Variants in TRIM9 observed in about 807,000 individuals in gnomAD.
TRIM9 encodes the protein E3 ubiquitin-protein ligase TRIM9.
TRIM9 carries 26 observed loss-of-function variants against 78.3 expected under a neutral mutation model. The ratio of observed to expected loss-of-function variants is 0.33; its 90% CI spans 0.24 to 0.46. The LOEUF (loss-of-function observed/expected upper bound fraction) is 0.46. Among genes scored for constraint, TRIM9 ranks in the 20% least tolerant of loss-of-function variants. The pLI, the probability that TRIM9 is intolerant of heterozygous loss-of-function variation, is 1.00. For missense variants in TRIM9, 787 were observed against 1,036.4 expected, an observed-to-expected ratio of 0.76 and a Z score of 3.30; for synonymous variants, 398 against 416.5, an observed-to-expected ratio of 0.96 and a Z score of 0.54.
intron 1 of TRIM9, among the ~76,000 whole-genome samples, chr14:51,077,480 C>A (rs931673808): frequency 4.1e-5 from 6 of 147,040 alleles, no homozygotes; most frequent in African/African-American, 1.5e-4. Flanking sequence ...GCAACCTCTG[C>A]CTCCTGGGTT....
Position 51,053,556 on chromosome 14 carries a change from TA to T in TRIM9, c.823-28197del, listed in dbSNP as rs767301487. On this transcript the variant is annotated intron_variant, in intron 1 of 12. Coordinates refer to ENST00000684578, the MANE Select transcript of TRIM9 (RefSeq NM_001387360.1). The stretch of plus-strand genomic sequence containing the variant: ...TGCGTTAACATTACATTTATTTATT[TA>T]TTTTTTTTTACTTTTTAATTTTCTT... 7.8e-3 allele frequency among the ~76,000 whole-genome samples: 1,130 copies of T among 145,068 alleles called. 37 individuals carry two copies. Among genetic ancestry groups the T allele is most frequent in the East Asian group, 0.076 (381 of 4,986 alleles).
At chr14:51,048,684 C>T (rs879057194) in intron 1 of TRIM9, among the ~76,000 whole-genome samples, 4 of 151,994 alleles carry the variant, frequency 2.6e-5, no homozygotes, top group African/African-American at 9.7e-5. Context: ...GGTGGTTTAA[C>T]AAAACATCCC....
At chr14:51,039,879 T>G (rs888110963) in intron 1 of TRIM9, among the ~76,000 whole-genome samples, 17 of 152,202 alleles carry the variant, frequency 1.1e-4, no homozygotes, top group Non-Finnish European at 2.2e-4. Flanking sequence ...CCTGAGTAGC[T>G]GGGACTACAG....
At chr14:50,999,405 T>A (rs2054649662) in intron 6 of TRIM9, among the ~76,000 whole-genome samples, 1 of 151,632 alleles carries the variant, frequency 6.6e-6, no homozygotes, top group Non-Finnish European at 1.5e-5. Context: ...GCAAAAGACA[T>A]GAAATGGAAC....
At chr14:51,036,466 T>C (rs972187920) in intron 1 of TRIM9, among the ~76,000 whole-genome samples, 5 of 152,134 alleles carry the variant, frequency 3.3e-5, no homozygotes, top group African/African-American at 1.2e-4. Flanking sequence ...AAAAGGGGAA[T>C]GGGGAAAGGG....
chr14:51,079,901 C>T (rs1192610193), intron 1 of TRIM9, among the ~76,000 whole-genome samples: 2 of 152,128 alleles, frequency 1.3e-5, no homozygotes, highest in African/African-American at 4.8e-5. Context: ...GGCAGAAACT[C>T]TAGATACACA....
intron 1 of TRIM9, among the ~76,000 whole-genome samples, chr14:51,045,055 T>C (rs917520394): frequency 1.5e-5 from 2 of 129,646 alleles, no homozygotes; most frequent in African/African-American, 5.0e-5. Context: ...TGTGAAAATA[T>C]GGAAAAAAAA....
At chr14:51,037,422 T>TAAAAACAAAAAC (rs568556914) in intron 1 of TRIM9, among the ~76,000 whole-genome samples, 9 of 152,004 alleles carry the variant, frequency 5.9e-5, no homozygotes, top group African/African-American at 1.9e-4. Flanking sequence ...AGACCCCTGA[T>TAAAAACAAAAAC]AAAAACAAAA....
chr14:51,017,603 T>C (rs915746182), intron 3 of TRIM9, among the ~76,000 whole-genome samples: 1 of 152,214 alleles, frequency 6.6e-6, no homozygotes, highest in Non-Finnish European at 1.5e-5. Context: ...CATTTACCAC[T>C]GAAGGTGGGT....
chr14:51,084,392 T>C (rs1293346456), intron 1 of TRIM9, among the ~76,000 whole-genome samples: 1 of 152,194 alleles, frequency 6.6e-6, no homozygotes, highest in Non-Finnish European at 1.5e-5. Flanking sequence ...GTTCCATCAA[T>C]GATAGATTCA....
intron 10 of TRIM9, chr14:50,982,633 A>G (rs2052111635): frequency 2.4e-6 from 1 of 414,050 alleles, no homozygotes; most frequent in Non-Finnish European, 4.4e-6. Context: ...TATAAGCAAC[A>G]TAAACTAATT....
chr14:51,092,105 A>G (rs11620762), intron 1 of TRIM9, among the ~76,000 whole-genome samples: 13,807 of 152,294 alleles, frequency 0.091, 868 homozygotes, highest in Non-Finnish European at 0.14. Flanking sequence ...GCAATTCAAC[A>G]TGGACTATAA....
At chr14:51,085,488 C>T (rs79885236) in intron 1 of TRIM9, among the ~76,000 whole-genome samples, 1,801 of 152,310 alleles carry the variant, frequency 0.012, 31 homozygotes, top group African/African-American at 0.041. Flanking sequence ...ATATCCTCCT[C>T]GGTTCACATA....
intron 3 of TRIM9, among the ~76,000 whole-genome samples, chr14:51,013,731 T>A (rs1057128930): frequency 1.3e-5 from 2 of 152,148 alleles, no homozygotes; most frequent in African/African-American, 4.8e-5. Context: ...ACCACCACCA[T>A]ATGTTGGTCT....
chr14:51,035,608 A>C (rs1259183156), intron 1 of TRIM9, among the ~76,000 whole-genome samples: 4 of 152,250 alleles, frequency 2.6e-5, no homozygotes, highest in African/African-American at 9.6e-5. Flanking sequence ...CAGACAAAGG[A>C]GAACGCTATA....
chr14:51,068,704 A>AT (rs1176562734), intron 1 of TRIM9, among the ~76,000 whole-genome samples: 1 of 152,176 alleles, frequency 6.6e-6, no homozygotes, highest in African/African-American at 2.4e-5. Flanking sequence ...GTTGAGAAGA[A>AT]TAAGGATGTA....
chr14:51,086,163 T>TACA (rs2063733767), intron 1 of TRIM9, among the ~76,000 whole-genome samples: 2 of 152,318 alleles, frequency 1.3e-5, no homozygotes, highest in Non-Finnish European at 2.9e-5. Flanking sequence ...AAACTGTGCT[T>TACA]TATAGGTATG....
intron 1 of TRIM9, chr14:51,091,295 G>C (rs992030868): frequency 3.3e-5 from 5 of 152,152 alleles, no homozygotes; most frequent in Non-Finnish European, 5.9e-5. Context: ...ATTATATCTT[G>C]AGTGTGTAAG....
intron 1 of TRIM9, among the ~76,000 whole-genome samples, chr14:51,054,986 G>A (rs2060781534): frequency 1.3e-5 from 2 of 151,406 alleles, no homozygotes; most frequent in South Asian, 4.2e-4. Context: ...CGCGCCACCA[G>A]GCCCAGCTAA....
Sources: gnomAD v4.1 joint callset for allele counts (sites outside exome capture counted in the v4.1 genomes callset) on GRCh38, gnomAD v4.1.1 for gene constraint, MANE v1.5 for transcripts, NCBI Gene and HGNC (gene_info 2026-07-23, HGNC 2026-07-21) for gene names.